Variants in LOXL2 observed in about 807,000 individuals in gnomAD.
LOXL2 encodes lysyl oxidase like 2, also known as lysyl oxidase homolog 2.
Under a neutral mutation model 93.0 loss-of-function variants are expected in LOXL2, and 70 were observed. The ratio of observed to expected loss-of-function variants is 0.75; its 90% confidence interval spans 0.62 to 0.92. The LOEUF (loss-of-function observed/expected upper bound fraction) is 0.92, where lower values mean the gene tolerates loss of function less well. LOXL2 is among the 40% of genes least tolerant of loss of function. The pLI, the probability that LOXL2 is intolerant of heterozygous loss-of-function variation, is 0.00. For synonymous variants in LOXL2, 438 were observed against 413.2 expected, an observed-to-expected ratio of 1.06 and a Z score of -0.73; for missense variants, 973 against 1,054.9, an observed-to-expected ratio of 0.92 and a Z score of 1.08.
At chr8:23,380,535 T>A (rs1214307353) in intron 1 of LOXL2, among the ~76,000 whole-genome samples, 1 of 152,208 alleles carries the variant, frequency 6.6e-6, no homozygotes, top group African/African-American at 2.4e-5. Context: ...GCTCCTGAAT[T>A]TTTTGCCTCT....
intron 4 of LOXL2, among the ~76,000 whole-genome samples, chr8:23,335,558 A>C (rs1803775404): frequency 6.6e-6 from 1 of 152,178 alleles, no homozygotes; most frequent in South Asian, 2.1e-4. Context: ...AAGCCTTTAA[A>C]TTGGGCCCTG....
At chr8:23,397,209 G>A (rs531005429) in intron 1 of LOXL2, among the ~76,000 whole-genome samples, 6 of 145,330 alleles carry the variant, frequency 4.1e-5, no homozygotes, top group South Asian at 4.2e-4. Context: ...CGGAGGGGGA[G>A]AGTGGAGTTA....
intron 1 of LOXL2, among the ~76,000 whole-genome samples, chr8:23,384,206 G>A (rs369819100): frequency 6.6e-6 from 1 of 152,220 alleles, no homozygotes; most frequent in Non-Finnish European, 1.5e-5. Flanking sequence ...TGTCTAGACA[G>A]GAATTATGGG....
chr8:23,301,556 C>T lies in LOXL2; in HGVS notation c.2133+471G>A, dbSNP rs866943161. On this transcript the variant is annotated intron_variant, in intron 12 of 13. Transcript: ENST00000389131. ...TCCTCCTCTATGAGGCAGATATTTC[C>T]GGAAGAGCTAAGTCACAGATATTTG... is the stretch of plus-strand genomic sequence containing the variant. 5.3e-5 allele frequency among the ~76,000 whole-genome samples: 8 copies of T among 152,160 alleles called. 1 individual carries two copies. In the South Asian group the frequency reaches 8.3e-4, roughly 16 times the overall value.
chr8:23,340,952 G>A lies in LOXL2; in HGVS notation c.743+40C>T, dbSNP rs375765711. 8 of 1,549,852 alleles carry A rather than the reference G, an allele frequency of 5.2e-6. No homozygotes were observed. In the African/African-American group the frequency reaches 5.4e-5, roughly 11 times the overall value. ...CACTTTTAACTCTTTTAGGCAGGGC[G>A]GATACCCTCAAAGCCACCCCTTTGG... is the stretch of plus-strand genomic sequence containing the variant. On this transcript the variant is annotated intron_variant, in intron 4 of 13. Transcript: ENST00000389131.
chr8:23,360,211 G>C lies in LOXL2; in HGVS notation c.410C>G (p.Ala137Gly), dbSNP rs368776641. ...GACGCCCCAGCCATTGGAGGTGCAT[G>C]CTGCAAGGGTCGCCTCGTTGCCAGT... ...HCTGNEATLA[A>G]CTSNGWGVTD... The change falls in exon 3 of 14, where the codon GCA (alanine) becomes GGA (glycine). Residue 137 changes from alanine (A) to glycine (G), a missense_variant. Transcript: ENST00000389131. 3 of 1,614,002 alleles carry C rather than the reference G, an allele frequency of 1.9e-6. No individual in the cohort carries two copies. Among genetic ancestry groups the C allele is most frequent in the Non-Finnish European group, 1.7e-6 (2 of 1,179,912 alleles).
chr8:23,314,905 C>T lies in LOXL2; in HGVS notation c.1636+2044G>A, dbSNP rs115063198. On this transcript the variant is annotated intron_variant, in intron 9 of 13. Coordinates refer to ENST00000389131, the MANE Select transcript of LOXL2 (RefSeq NM_002318.3). Reference sequence around the variant, plus strand: ...ACAAGTAGCCTGTGCCAGGCCCCTGCGGCACCACGGAGGGTCAAAGCCAGT... The same window carrying T: ...ACAAGTAGCCTGTGCCAGGCCCCTGTGGCACCACGGAGGGTCAAAGCCAGT... Among the ~76,000 whole-genome samples, 523 of 152,248 alleles carry T rather than the reference C, an allele frequency of 3.4e-3. 3 individuals carry two copies. The highest frequency in any genetic ancestry group is 0.012 in the African/African-American group (501 of 41,546).
chr8:23,344,411 C>G lies in LOXL2; in HGVS notation c.532-3208G>C, dbSNP rs114959351. ...GTGTGTGTGGTGTGTATCTCTGTGT[C>G]TGTGTGTGTGCATGGTGGTGTGTGC... On this transcript the variant is annotated intron_variant, in intron 3 of 13. Coordinates refer to ENST00000389131, the MANE Select transcript of LOXL2 (RefSeq NM_002318.3). Among the ~76,000 whole-genome samples the G allele has an allele frequency of 7.1e-3, 1,072 of 151,472 alleles. 15 individuals carry two copies. Among genetic ancestry groups the G allele is most frequent in the African/African-American group, 0.025 (1,022 of 41,260 alleles).
At chr8:23,301,684 T>C (rs762040567) in intron 12 of LOXL2, among the ~76,000 whole-genome samples, 7 of 152,162 alleles carry the variant, frequency 4.6e-5, no homozygotes, top group South Asian at 4.1e-4. Context: ...AAGAGCTCCA[T>C]AGGAGACAAG....
intron 6 of LOXL2, among the ~76,000 whole-genome samples, chr8:23,327,786 A>G (rs1803605033): frequency 1.3e-5 from 2 of 152,106 alleles, no homozygotes; most frequent in South Asian, 4.2e-4. Context: ...CCACCAACGG[A>G]CCCACTTGAA....
rs1428931975 is a variant in LOXL2 at position 23,321,967 on chromosome 8, C to A, written c.1302+163G>T. 18 of 765,484 alleles carry A rather than the reference C, an allele frequency of 2.4e-5. No homozygotes were observed. In the Admixed American group the frequency reaches 2.4e-4, roughly 10 times the overall value. 47.4% of individuals were successfully genotyped at this position (765,484 alleles called of 1,614,324 possible). A position where few individuals can be genotyped will look rare whatever the true frequency, so the allele number is the denominator to read the frequency against. On this transcript the variant is annotated intron_variant, in intron 7 of 13. Transcript: ENST00000389131. ...GGCCTGCTGCCGGGCCAGGGCCAGG[C>A]CCGAGGTTCGAGGGGGAACTAAACA... is the stretch of plus-strand genomic sequence containing the variant.
At chr8:23,305,068 C>T (rs949613065) in intron 10 of LOXL2, among the ~76,000 whole-genome samples, 1 of 151,984 alleles carries the variant, frequency 6.6e-6, no homozygotes, top group African/African-American at 2.4e-5. Context: ...ATTTTGTGGC[C>T]GTGGAAGTGA....
chr8:23,338,028 G>A (rs536681868), intron 4 of LOXL2, among the ~76,000 whole-genome samples: 1 of 152,328 alleles, frequency 6.6e-6, no homozygotes, highest in East Asian at 1.9e-4. Context: ...TCACGTGACT[G>A]GGGAAGCCTC....
intron 4 of LOXL2, among the ~76,000 whole-genome samples, chr8:23,335,106 C>T (rs559828585): frequency 1.8e-3 from 281 of 152,294 alleles, no homozygotes; most frequent in Non-Finnish European, 3.2e-3. Flanking sequence ...TGAGCTATCA[C>T]GCCAGACCAT....
At chr8:23,400,659 A>C (rs1440361037) in intron 1 of LOXL2, among the ~76,000 whole-genome samples, 3 of 152,216 alleles carry the variant, frequency 2.0e-5, no homozygotes, top group Non-Finnish European at 4.4e-5. Context: ...GGGCTTCAGC[A>C]TGAAGGTACC....
chr8:23,346,144 AAT>A (rs1491078805), intron 3 of LOXL2, among the ~76,000 whole-genome samples: 36 of 75,854 alleles, frequency 4.7e-4, no homozygotes, highest in African/African-American at 3.0e-3. Flanking sequence ...AAATAAAATA[AAT>A]AAAATAAAAT....
chr8:23,316,595 G>GAGGA (rs1213914529), intron 9 of LOXL2: 1 of 233,726 alleles, frequency 4.3e-6, no homozygotes, highest in Non-Finnish European at 8.1e-6. Context: ...GAGGTGGAGG[G>GAGGA]AGGAAGCCAA....
At position 23,309,667 on chromosome 8, in the gene LOXL2, C is replaced by T. The variant is rs144719588; in HGVS notation, c.1880+1G>A. The T allele has an allele frequency of 3.0e-4, 442 of 1,454,168 alleles. No homozygotes were observed. The highest frequency in any genetic ancestry group is 3.8e-4 in the Non-Finnish European group (418 of 1,094,214). 90.1% of individuals were successfully genotyped at this position (1,454,168 alleles called of 1,614,324 possible). A position where few individuals can be genotyped will look rare whatever the true frequency, so the allele number is the denominator to read the frequency against. The stretch of plus-strand genomic sequence containing the variant: ...TGGGGAGGGTGGCCAGCCAGGCCTA[C>T]CTGTGACAGTCGTGCCAGATCCACG... On this transcript the variant is annotated splice_donor_variant, in intron 10 of 13. Coordinates refer to ENST00000389131, the MANE Select transcript of LOXL2 (RefSeq NM_002318.3). LOFTEE classifies it high-confidence loss of function.
intron 8 of LOXL2, among the ~76,000 whole-genome samples, chr8:23,319,495 G>A (rs979967100): frequency 4.6e-5 from 7 of 152,298 alleles, no homozygotes; most frequent in African/African-American, 1.7e-4. Context: ...GTTTAGCGGG[G>A]GTTGAGCCTT....
Sources: allele counts gnomAD v4.1 joint callset (sites outside exome capture counted in the v4.1 genomes callset), GRCh38; gene constraint gnomAD v4.1.1; transcripts MANE v1.5; gene names NCBI Gene and HGNC (gene_info 2026-07-23, HGNC 2026-07-21).